CBFA2T3: variants seen among roughly 807,000 people sequenced by gnomAD.
The protein encoded by CBFA2T3 is CBFA2/RUNX1 partner transcriptional co-repressor 3.
In CBFA2T3, 31 loss-of-function variants were observed where a neutral mutation model predicts 58.6. That is an observed-to-expected ratio of 0.53 (90% CI 0.40 to 0.71). The LOEUF (loss-of-function observed/expected upper bound fraction) is 0.71, where lower values mean the gene tolerates loss of function less well. Among genes scored for constraint, CBFA2T3 ranks in the 30% least tolerant of loss-of-function variants. The probability of loss-of-function intolerance (pLI) is 0.00; values close to 1 mark genes in which losing one functional copy is unlikely to be tolerated. For missense variants in CBFA2T3, 1,076 were observed against 963.1 expected, an observed-to-expected ratio of 1.12 and a Z score of -1.55; for synonymous variants, 531 against 421.9, an observed-to-expected ratio of 1.26 and a Z score of -3.17.
At chr16:88,878,389 A>C (rs1968922005) in intron 11 of CBFA2T3, among the ~76,000 whole-genome samples, 1 of 152,198 alleles carries the variant, frequency 6.6e-6, no homozygotes, top group Admixed American at 6.5e-5. Context: ...AGATGCACAC[A>C]GGGGCTTCAG....
At chr16:88,917,839 G>A (rs1039358567) in intron 1 of CBFA2T3, among the ~76,000 whole-genome samples, 1 of 152,206 alleles carries the variant, frequency 6.6e-6, no homozygotes, top group Non-Finnish European at 1.5e-5. Context: ...CGAGAGTGTG[G>A]GTGTGGACGA....
chr16:88,883,908 G>T (rs1033675029), intron 7 of CBFA2T3: 20 of 152,266 alleles, frequency 1.3e-4, no homozygotes, highest in African/African-American at 4.1e-4. Context: ...CACGCTTCTG[G>T]GGCTGAGGTC....
intron 1 of CBFA2T3, among the ~76,000 whole-genome samples, chr16:88,911,707 G>A (rs1302681518): frequency 1.3e-5 from 2 of 152,270 alleles, no homozygotes; most frequent in Non-Finnish European, 2.9e-5. Context: ...GCTCGCCCTG[G>A]CCACCCAGCT....
chr16:88,926,973 C>G (rs1971103510), intron 1 of CBFA2T3, among the ~76,000 whole-genome samples: 1 of 152,158 alleles, frequency 6.6e-6, no homozygotes, highest in Admixed American at 6.5e-5. Context: ...GAGGTGGCGG[C>G]ACACTCCTGC....
chr16:88,875,781 A>C lies in CBFA2T3; in HGVS notation c.*1195T>G, dbSNP rs928889731. The C allele has an allele frequency of 8.6e-6, 2 of 233,458 alleles. No homozygotes were observed. Among genetic ancestry groups the C allele is most frequent in the African/African-American group, 4.4e-5 (2 of 45,324 alleles). The allele number at this position is 233,458 out of a possible 1,614,324, so 14.5% of individuals were successfully genotyped here. A position where few individuals can be genotyped will look rare whatever the true frequency, so the allele number is the denominator to read the frequency against. The stretch of plus-strand genomic sequence containing the variant: ...ATTGTCACAGTTTTGTTTCGGAATT[A>C]TGCTCTCTCTGGGAAGAAAACTTTA... On this transcript the variant is annotated 3_prime_UTR_variant, in exon 12 of 12. Coordinates refer to ENST00000268679, the MANE Select transcript of CBFA2T3 (RefSeq NM_005187.6).
At chr16:88,973,959 TC>T (rs1237235753) in intron 1 of CBFA2T3, among the ~76,000 whole-genome samples, 1 of 151,808 alleles carries the variant, frequency 6.6e-6, no homozygotes, top group African/African-American at 2.4e-5. Context: ...CCTGCACCCC[TC>T]CACTGATAGT....
chr16:88,903,877 C>T (rs1405115457), intron 1 of CBFA2T3, among the ~76,000 whole-genome samples: 3 of 152,230 alleles, frequency 2.0e-5, no homozygotes, highest in Non-Finnish European at 2.9e-5. Flanking sequence ...AAAGCCCTCC[C>T]ATGGAGGCGG....
chr16:88,919,297 A>G (rs770958643), intron 1 of CBFA2T3, among the ~76,000 whole-genome samples: 2 of 152,216 alleles, frequency 1.3e-5, no homozygotes, highest in Non-Finnish European at 2.9e-5. Flanking sequence ...AAAACCGGAC[A>G]CAGCGTCAGG....
chr16:88,934,548 C>T (rs1422425940), intron 1 of CBFA2T3, among the ~76,000 whole-genome samples: 1 of 151,670 alleles, frequency 6.6e-6, no homozygotes, highest in African/African-American at 2.4e-5. Flanking sequence ...TCCCTGTGCA[C>T]AGTGTGTGGT....
rs200768874 is a variant in CBFA2T3 at position 88,885,033 on chromosome 16, C to T, written c.1117+13G>A. ...AACACGCGTCCACGCTCCCGCCCCACCGGGCTGCTCACCAAGCGGCCGATG... is the reference window on the plus strand; with the variant it reads ...AACACGCGTCCACGCTCCCGCCCCATCGGGCTGCTCACCAAGCGGCCGATG... On this transcript the variant is annotated intron_variant, in intron 7 of 11. Transcript: ENST00000268679. The surrounding 1 kb of genome is among the most constrained non-coding windows in gnomAD (Gnocchi z 5.3). 5.0e-5 allele frequency: 79 copies of T among 1,583,470 alleles called. No individual in the cohort carries two copies. In the East Asian group the frequency reaches 1.7e-3, roughly 35 times the overall value.
intron 1 of CBFA2T3, among the ~76,000 whole-genome samples, chr16:88,927,068 C>T (rs772672005): frequency 2.0e-5 from 3 of 152,236 alleles, no homozygotes; most frequent in Non-Finnish European, 4.4e-5. Flanking sequence ...TCAACCCCCA[C>T]GGCCCTTGGT....
intron 3 of CBFA2T3, among the ~76,000 whole-genome samples, chr16:88,893,489 C>A (rs1316483703): frequency 6.6e-6 from 1 of 152,222 alleles, no homozygotes; most frequent in Non-Finnish European, 1.5e-5. Flanking sequence ...TTGCACACAG[C>A]CCCAACGCCT....
intron 1 of CBFA2T3, among the ~76,000 whole-genome samples, chr16:88,905,629 G>A (rs965755778): frequency 4.0e-5 from 6 of 150,644 alleles, no homozygotes; most frequent in Admixed American, 1.3e-4. Context: ...ATGGAAGTGG[G>A]GTGAGTGGAG....
At chr16:88,901,918 C>A (rs540717704) in intron 1 of CBFA2T3, among the ~76,000 whole-genome samples, 2 of 152,190 alleles carry the variant, frequency 1.3e-5, no homozygotes, top group Non-Finnish European at 2.9e-5. Context: ...GGCCGCCCTG[C>A]GAGAGCCGTG....
intron 1 of CBFA2T3, among the ~76,000 whole-genome samples, chr16:88,931,861 G>A (rs1462127958): frequency 6.6e-6 from 1 of 152,168 alleles, no homozygotes; most frequent in Admixed American, 6.5e-5. Context: ...ACAGTGCAGA[G>A]GGGATGGGGA....
chr16:88,939,894 C>T (rs1971649013), intron 1 of CBFA2T3: 1 of 152,250 alleles, frequency 6.6e-6, no homozygotes, highest in South Asian at 2.1e-4. Context: ...GTTTCCCCAA[C>T]CTCTCAGAAA....
chr16:88,961,052 G>A (rs1378174991), intron 1 of CBFA2T3, among the ~76,000 whole-genome samples: 1 of 152,236 alleles, frequency 6.6e-6, no homozygotes, highest in Admixed American at 6.5e-5. Flanking sequence ...GAGAGGCTGT[G>A]AGACCTGTCT....
chr16:88,939,964 C>T (rs1971652550), intron 1 of CBFA2T3: 1 of 151,798 alleles, frequency 6.6e-6, no homozygotes, highest in South Asian at 2.1e-4. Flanking sequence ...CCGGCCGACC[C>T]GTCCGCCGAG....
At chr16:88,905,594 GC>G (rs1567597265) in intron 1 of CBFA2T3, among the ~76,000 whole-genome samples, 2 of 151,154 alleles carry the variant, frequency 1.3e-5, no homozygotes, top group Non-Finnish European at 3.0e-5. Context: ...CCCAGCCCCC[GC>G]TTAGGGGCTG....
Sources: allele counts gnomAD v4.1 joint callset (sites outside exome capture counted in the v4.1 genomes callset), GRCh38; gene constraint gnomAD v4.1.1; non-coding constraint Gnocchi (gnomAD v3.1); transcripts MANE v1.5; gene names NCBI Gene and HGNC (gene_info 2026-07-23, HGNC 2026-07-21).